Variants in AHNAK observed in about 807,000 individuals in gnomAD.
The protein encoded by AHNAK is AHNAK nucleoprotein, also known as neuroblast differentiation-associated protein AHNAK.
AHNAK carries 23 observed loss-of-function variants against 37.8 expected under a neutral mutation model. That is an observed-to-expected ratio of 0.61 (90% confidence interval 0.44 to 0.86). AHNAK has a LOEUF of 0.86. Ranked by LOEUF, AHNAK falls within the 40% of genes least tolerant of loss-of-function variation. The probability of loss-of-function intolerance (pLI) is 0.00; values close to 1 mark genes in which losing one functional copy is unlikely to be tolerated. For missense variants in AHNAK, 7,411 were observed against 7,319.4 expected (o/e 1.01, Z -0.46); for synonymous variants, 2,481 against 2,636.3 (o/e 0.94, Z 1.80).
At chr11:62,479,826 C>T (rs946741409) in intron 5 of AHNAK, among the ~76,000 whole-genome samples, 4 of 152,200 alleles carry the variant, frequency 2.6e-5, no homozygotes, top group African/African-American at 9.6e-5. Context: ...TGTCCTTTTG[C>T]CTGTTTAACT....
intron 4 of AHNAK, among the ~76,000 whole-genome samples, chr11:62,497,027 T>A (rs1939623847): frequency 6.6e-6 from 1 of 152,134 alleles, no homozygotes; most frequent in African/African-American, 2.4e-5. Context: ...CTTTTCCTTT[T>A]AAAATGTACT....
chr11:62,468,334 C>T (rs569501208), intron 5 of AHNAK, among the ~76,000 whole-genome samples: 11 of 141,846 alleles, frequency 7.8e-5, no homozygotes, highest in South Asian at 4.7e-4. Context: ...GGTGACAAAG[C>T]GAGACTCTGT....
At position 62,529,537 on chromosome 11, in the gene AHNAK, A is replaced by C. The variant is rs1024932126; in HGVS notation, c.4880T>G (p.Ile1627Ser). The change falls in exon 5 of 5, where the codon ATT becomes AGT. Residue 1627 changes from isoleucine to serine, a missense_variant. Ile to Ser is a moderately radical substitution (Grantham distance 142). Coordinates refer to ENST00000378024, the MANE Select transcript of AHNAK (RefSeq NM_001620.3). ...APKMDVNVGD[I>S]DIEGPEGKLK... Reference sequence around the variant, plus strand: ...CTTCCCTTCTGGACCTTCAATATCAATATCACCAACATTCACATCCATCTT... The same window carrying C: ...CTTCCCTTCTGGACCTTCAATATCACTATCACCAACATTCACATCCATCTT... The C allele has an allele frequency of 1.9e-6, 3 of 1,614,116 alleles. No individual in the cohort carries two copies. The highest frequency in any genetic ancestry group is 1.1e-5 in the South Asian group (1 of 91,070).
intron 4 of AHNAK, among the ~76,000 whole-genome samples, chr11:62,501,581 A>G (rs181358264): frequency 8.5e-5 from 13 of 152,332 alleles, no homozygotes; most frequent in Non-Finnish European, 1.3e-4. Flanking sequence ...AATAAAATAA[A>G]AGAACTTTGT....
rs752411804 is a variant in AHNAK at position 62,518,267 on chromosome 11, T to C, written c.16150A>G (p.Lys5384Glu). 23 of 1,614,030 alleles carry C rather than the reference T, an allele frequency of 1.4e-5. No homozygotes were observed. The highest frequency in any genetic ancestry group is 6.7e-5 in the African/African-American group (5 of 74,904). ...AGATCAGGAGCTCCTACGGATACTT[T>C]AGGGCATTTGATGTCACCAGAGACA... is the stretch of plus-strand genomic sequence containing the variant. ...LAVSGDIKCP[K>E]VSVGAPDLSL... is the part of the protein sequence containing the mutation. Residue 5384 changes from lysine to glutamate, a missense_variant, in exon 5 of 5, where the codon AAA becomes GAA. Coordinates refer to ENST00000378024, the MANE Select transcript of AHNAK (RefSeq NM_001620.3).
At chr11:62,466,469 ATTTTT>A (rs67385747) in intron 5 of AHNAK, among the ~76,000 whole-genome samples, 20 of 135,740 alleles carry the variant, frequency 1.5e-4, no homozygotes, top group Non-Finnish European at 1.7e-4. Flanking sequence ...TAAAGTTTTG[ATTTTT>A]TTTTTTTTTT....
At position 62,526,959 on chromosome 11, in the gene AHNAK, A is replaced by G. The variant is rs778168900; in HGVS notation, c.7458T>C (p.Asp2486=). 3.7e-6 allele frequency: 6 copies of G among 1,613,990 alleles called. No homozygotes were observed. Among genetic ancestry groups the G allele is most frequent in the Middle Eastern group, 1.6e-4 (1 of 6,084 alleles). The change falls in exon 5 of 5, where the codon GAT becomes GAC. Residue 2486 remains aspartate (D), a synonymous_variant. Transcript: ENST00000378024. Reference sequence around the variant, plus strand: ...CAACTTTGGGGCCCCTGATGTTCATATCTGGTACTTCAAGTTTACCTTCTA... The same window carrying G: ...CAACTTTGGGGCCCCTGATGTTCATGTCTGGTACTTCAAGTTTACCTTCTA... ...PEVEGKLEVP[D]MNIRGPKVDV...
rs1052761052 is a variant in AHNAK, at chr11:62,527,606, C to T, written c.6811G>A (p.Asp2271Asn). ...PEVDVNLPKA[D>N]VDVSGPKVDV... is the part of the protein sequence containing the mutation. ...ACCTTGGGTCCTGAGACATCAACGTCAGCCTTGGGCAAGTTCACATCCACT... is the reference window on the plus strand; with the variant it reads ...ACCTTGGGTCCTGAGACATCAACGTTAGCCTTGGGCAAGTTCACATCCACT... Residue 2271 changes from aspartate to asparagine, a missense_variant, in exon 5 of 5, where the codon GAC (aspartate) becomes AAC (asparagine). By Grantham distance (23) the Asp-to-Asn change is conservative. Coordinates refer to ENST00000378024, the MANE Select transcript of AHNAK (RefSeq NM_001620.3). The T allele has an allele frequency of 1.2e-6, 2 of 1,613,846 alleles. No individual in the cohort carries two copies. The highest frequency in any genetic ancestry group is 1.3e-5 in the African/African-American group (1 of 74,844).
At chr11:62,505,710 T>C (rs1416391866) in intron 4 of AHNAK, among the ~76,000 whole-genome samples, 1 of 148,910 alleles carries the variant, frequency 6.7e-6, no homozygotes, top group Non-Finnish European at 1.5e-5. Context: ...CCCCTCGACC[T>C]AGGGCTTTGC....
chr11:62,527,045 C>T lies in AHNAK; in HGVS notation c.7372G>A (p.Val2458Ile). The T allele has an allele frequency of 6.2e-7, 1 of 1,613,998 alleles. No individual in the cohort carries two copies. Among genetic ancestry groups the T allele is most frequent in the South Asian group, 1.1e-5 (1 of 91,060 alleles). The change falls in exon 5 of 5, where the codon GTT becomes ATT. Residue 2458 changes from valine (V) to isoleucine (I), a missense_variant. Val to Ile is a conservative substitution (Grantham distance 29, BLOSUM62 3). Coordinates refer to ENST00000378024, the MANE Select transcript of AHNAK (RefSeq NM_001620.3). ...TTGGGTCCTTTGAGATTTAGATCAA[C>T]ATCAGGCATAGAAATATTGGGGGCT... ...FKAPNISMPDVDLNLKGPKIK... is the reference protein window; with the variant it reads ...FKAPNISMPDIDLNLKGPKIK...
In AHNAK at chr11:62,486,231, T is replaced by C. The variant is rs555895415; in HGVS notation, c.442+5501A>G. ...GGCTCACGCCTGTAATCCCAGCACT[T>C]TGGGAGGCCGAGGTGGGTGGATCAC... On this transcript the variant is annotated intron_variant, in intron 5 of 5. Coordinates refer to the AHNAK transcript ENST00000257247. 6.6e-5 allele frequency among the ~76,000 whole-genome samples: 10 copies of C among 152,002 alleles called. No homozygotes were observed. The South Asian group carries it at 1.2e-3, about 19-fold the overall frequency.
At position 62,541,365 on chromosome 11, in the gene AHNAK, C is replaced by T. The variant is rs1231501632; in HGVS notation, c.-99-4798G>A. ...CCCAGCATGGCAGCACGCACATAGG[C>T]CAATCGACCCACCACACACACAAGG... On this transcript the variant is annotated intron_variant, in intron 1 of 4. Coordinates refer to ENST00000378024, the MANE Select transcript of AHNAK (RefSeq NM_001620.3). Among the ~76,000 whole-genome samples, 3 of 152,292 alleles carry T rather than the reference C, an allele frequency of 2.0e-5. No individual in the cohort carries two copies. In the East Asian group the frequency reaches 5.8e-4, roughly 29 times the overall value.
chr11:62,532,901 C>A lies in AHNAK; in HGVS notation c.1516G>T (p.Asp506Tyr). ...QKPKISMQDV[D>Y]LSLGSPKLKG... ...AGTTTAGGAGACCCAAGGCTCAGAT[C>A]CACATCCTGCATGGAGATTTTAGGT... is the stretch of plus-strand genomic sequence containing the variant. The change falls in exon 5 of 5, where the codon GAT (aspartate) becomes TAT (tyrosine). Residue 506 changes from aspartate to tyrosine, a missense_variant. By Grantham distance (160) the Asp-to-Tyr change is radical (BLOSUM62 -3). Coordinates refer to ENST00000378024, the MANE Select transcript of AHNAK (RefSeq NM_001620.3). The A allele has an allele frequency of 6.2e-7, 1 of 1,614,132 alleles. No individual in the cohort carries two copies.
Position 62,524,231 on chromosome 11 carries a change from C to T in AHNAK, c.10186G>A (p.Gly3396Arg). The T allele has an allele frequency of 6.2e-7, 1 of 1,612,890 alleles. No individual in the cohort carries two copies. The highest frequency in any genetic ancestry group is 2.2e-5 in the East Asian group (1 of 44,878). ...TTAAACTTGGATCCTTTCACTTTTCCTTGGACCTCGACATCAGGAGCATTA... is the reference window on the plus strand; with the variant it reads ...TTAAACTTGGATCCTTTCACTTTTCTTTGGACCTCGACATCAGGAGCATTA... ...DINAPDVEVQ[G>R]KVKGSKFKMP... Residue 3396 changes from glycine to arginine, a missense_variant, in exon 5 of 5, where the codon GGA (glycine) becomes AGA (arginine). Coordinates refer to ENST00000378024, the MANE Select transcript of AHNAK (RefSeq NM_001620.3).
At chr11:62,498,036 T>A (rs1430298946) in intron 4 of AHNAK, among the ~76,000 whole-genome samples, 1 of 151,936 alleles carries the variant, frequency 6.6e-6, no homozygotes, top group East Asian at 1.9e-4. Context: ...ATATGCAATA[T>A]ATCTATGCTG....
chr11:62,492,466 G>A (rs1052813258), intron 4 of AHNAK, among the ~76,000 whole-genome samples: 3 of 152,190 alleles, frequency 2.0e-5, no homozygotes, highest in East Asian at 3.8e-4. Flanking sequence ...GCAGGATTCC[G>A]TCTGGCAGCA....
At chr11:62,443,622 T>C (rs1328669936) in intron 5 of AHNAK, among the ~76,000 whole-genome samples, 3 of 152,122 alleles carry the variant, frequency 2.0e-5, no homozygotes, top group Non-Finnish European at 4.4e-5. Flanking sequence ...CTCTTGGGGC[T>C]GTGCAGCCCC....
chr11:62,491,053 G>A (rs1939497588), intron 5 of AHNAK, among the ~76,000 whole-genome samples: 1 of 152,122 alleles, frequency 6.6e-6, no homozygotes, highest in South Asian at 2.1e-4. Context: ...CTCCCAAAGT[G>A]TTGGATTACA....
chr11:62,467,239 T>C (rs1012021365), intron 5 of AHNAK, among the ~76,000 whole-genome samples: 11 of 145,550 alleles, frequency 7.6e-5, no homozygotes, highest in African/African-American at 2.8e-4. Context: ...CTTAGAAAAA[T>C]AGTATATCCT....
Sources: allele counts gnomAD v4.1 joint callset (sites outside exome capture counted in the v4.1 genomes callset), GRCh38; gene constraint gnomAD v4.1.1; transcripts MANE v1.5; gene names NCBI Gene and HGNC (gene_info 2026-07-23, HGNC 2026-07-21).